The following TSHZ3 variants were observed in gnomAD, a reference collection of about 807,000 sequenced individuals.
TSHZ3 encodes the protein teashirt zinc finger homeobox 3, also known as teashirt homolog 3.
TSHZ3 carries 10 observed loss-of-function variants against 64.5 expected under a neutral mutation model. That is an observed-to-expected ratio of 0.16 (90% CI 0.10 to 0.26). TSHZ3 has a LOEUF of 0.26. Among genes scored for constraint, TSHZ3 ranks in the 10% least tolerant of loss-of-function variants. TSHZ3 has a pLI of 1.00. For missense variants in TSHZ3, 1,242 were observed against 1,421.7 expected (o/e 0.87, Z 2.03); for synonymous variants, 608 against 593.1 (o/e 1.03, Z -0.36).
In TSHZ3 at chr19:31,277,957, C is replaced by T. The variant is rs1976279075; in HGVS notation, c.1836G>A (p.Glu612=). The stretch of plus-strand genomic sequence containing the variant: ...CTTTCTCAGTGACCTTTTTCACCAG[C>T]TCCTCCATGGCATGAAAGTTTGTCT... ...MPKTNFHAME[E]LVKKVTEKVA... The change falls in exon 2 of 2, where the codon GAG becomes GAA. Residue 612 remains glutamate, a synonymous_variant. Transcript: ENST00000240587. The surrounding 1 kb of genome is among the most constrained non-coding windows in gnomAD (Gnocchi z 4.5). The T allele has an allele frequency of 6.2e-7, 1 of 1,614,244 alleles. No individual in the cohort carries two copies. Among genetic ancestry groups the T allele is most frequent in the Non-Finnish European group, 8.5e-7 (1 of 1,180,052 alleles).
At chr19:31,348,641 T>C (rs758279468) in intron 1 of TSHZ3, among the ~76,000 whole-genome samples, 12 of 152,050 alleles carry the variant, frequency 7.9e-5, no homozygotes, top group Non-Finnish European at 1.5e-4. Flanking sequence ...CATCTGACAA[T>C]ACCCAGACCC....
chr19:31,334,374 TCTC>T (rs1261916816), intron 1 of TSHZ3, among the ~76,000 whole-genome samples: 1 of 152,236 alleles, frequency 6.6e-6, no homozygotes, highest in Non-Finnish European at 1.5e-5. Context: ...TAACCCATCT[TCTC>T]CTCTGGCAAA....
chr19:31,292,654 C>CCCAT (rs1187478416), intron 1 of TSHZ3, among the ~76,000 whole-genome samples: 1 of 151,924 alleles, frequency 6.6e-6, no homozygotes, highest in Admixed American at 6.6e-5. Context: ...CATCCATCTA[C>CCCAT]CCATCCATCC....
intron 1 of TSHZ3, among the ~76,000 whole-genome samples, chr19:31,313,115 T>TG (rs1459492671): frequency 4.6e-5 from 7 of 152,048 alleles, no homozygotes; most frequent in Admixed American, 6.5e-5. Context: ...CAAACCTGCT[T>TG]GGGGGCAAGG....
chr19:31,258,867 C>T (rs899989649), intron 1 of TSHZ3, among the ~76,000 whole-genome samples: 2 of 152,170 alleles, frequency 1.3e-5, no homozygotes, highest in East Asian at 1.9e-4. Flanking sequence ...AGTGGCCCAT[C>T]GGGTCGATTC....
intron 5 of TSHZ3, among the ~76,000 whole-genome samples, chr19:31,182,942 T>A (rs1364716606): frequency 1.3e-5 from 2 of 152,190 alleles, no homozygotes; most frequent in Non-Finnish European, 1.5e-5. Context: ...AACATTTAAA[T>A]CATTAGATTT....
chr19:31,315,728 T>C (rs2145160287), intron 1 of TSHZ3, among the ~76,000 whole-genome samples: 1 of 152,356 alleles, frequency 6.6e-6, no homozygotes, highest in African/African-American at 2.4e-5. Context: ...CAATTTAGAC[T>C]GCAAAACACA....
rs551415986 is a variant in TSHZ3 at position 31,239,153 on chromosome 19, C to A, written n.550+3116G>T. On this transcript the variant is annotated intron_variant and non_coding_transcript_variant, in intron 3 of 6. Transcript: ENST00000651361. ...CTGATACTTTATACTTCCTGTTTTA[C>A]AATAAATATTTTTCCCAGGATATGA... 2.0e-5 allele frequency among the ~76,000 whole-genome samples: 3 copies of A among 152,182 alleles called. No homozygotes were observed. The East Asian group carries it at 5.8e-4, about 29-fold the overall frequency.
chr19:31,155,753 TCTAC>T (rs1424903613), intron 6 of TSHZ3, among the ~76,000 whole-genome samples: 1 of 152,200 alleles, frequency 6.6e-6, no homozygotes, highest in East Asian at 1.9e-4. Context: ...CTTCCTAGCC[TCTAC>T]CTGTTTCCAC....
chr19:31,279,047 T>C lies in TSHZ3; in HGVS notation c.746A>G (p.Asn249Ser), dbSNP rs770126054. 1.2e-6 allele frequency: 2 copies of C among 1,614,094 alleles called. No individual in the cohort carries two copies. The highest frequency in any genetic ancestry group is 1.7e-6 in the Non-Finnish European group (2 of 1,179,988). Reference sequence around the variant, plus strand: ...AGGCTTGGACCAGCGCTTGGGGTTGTTGTTATCGGTCTCATGGTTGTCGTC... The same window carrying C: ...AGGCTTGGACCAGCGCTTGGGGTTGCTGTTATCGGTCTCATGGTTGTCGTC... ...YRDDNHETDN[N>S]NPKRWSKPRK... Residue 249 changes from asparagine to serine, a missense_variant, in exon 2 of 2, where the codon AAC (asparagine) becomes AGC (serine). Physicochemically the swap from Asn to Ser is conservative, Grantham distance 46. This residue lies in a region of TSHZ3 where 555 missense variants were observed against 704.0 expected (regional missense o/e 0.79). Transcript: ENST00000240587. This position sits in a 1 kb window ranked among gnomAD's most constrained non-coding sequence, Gnocchi z 6.4.
At chr19:31,332,071 C>T (rs1179246700) in intron 1 of TSHZ3, among the ~76,000 whole-genome samples, 1 of 152,178 alleles carries the variant, frequency 6.6e-6, no homozygotes, top group Non-Finnish European at 1.5e-5. Flanking sequence ...AAAAAGTATG[C>T]AGAATCACTG....
intron 4 of TSHZ3, among the ~76,000 whole-genome samples, chr19:31,218,268 C>T (rs55782330): frequency 0.72 from 106,852 of 148,152 alleles, 38,133 homozygotes; most frequent in African/African-American, 0.85. Context: ...CCAAAGAAGA[C>T]AGAGATGGCA....
intron 4 of TSHZ3, among the ~76,000 whole-genome samples, chr19:31,223,893 T>C (rs1224069605): frequency 1.3e-5 from 2 of 152,076 alleles, no homozygotes; most frequent in Admixed American, 1.3e-4. Flanking sequence ...CATGGGCCAC[T>C]CAGTGAGGGG....
At chr19:31,346,798 A>C (rs192495553) in intron 1 of TSHZ3, among the ~76,000 whole-genome samples, 229 of 149,776 alleles carry the variant, frequency 1.5e-3, no homozygotes, top group Middle Eastern at 3.4e-3. Context: ...AACCACCCCC[A>C]AAAAAAAAAC....
chr19:31,225,865 G>T (rs1975452744), intron 4 of TSHZ3, among the ~76,000 whole-genome samples: 1 of 152,126 alleles, frequency 6.6e-6, no homozygotes, highest in Non-Finnish European at 1.5e-5. Flanking sequence ...GGTGGCTCAT[G>T]CCCGTAACCC....
At chr19:31,335,113 A>C (rs1917206696) in intron 1 of TSHZ3, among the ~76,000 whole-genome samples, 1 of 152,164 alleles carries the variant, frequency 6.6e-6, no homozygotes, top group African/African-American at 2.4e-5. Context: ...TTTAAGAGGG[A>C]GCAAATCTCA....
At chr19:31,162,227 T>C (rs1040613188) in intron 5 of TSHZ3, among the ~76,000 whole-genome samples, 4 of 152,136 alleles carry the variant, frequency 2.6e-5, no homozygotes, top group African/African-American at 9.7e-5. Flanking sequence ...CCACAGTAGG[T>C]ACTCAGTACT....
intron 4 of TSHZ3, among the ~76,000 whole-genome samples, chr19:31,216,300 C>G (rs374866190): frequency 6.6e-6 from 1 of 152,128 alleles, no homozygotes; most frequent in Admixed American, 6.5e-5. Context: ...CAACTAGGAC[C>G]CCTATCAGCA....
At chr19:31,256,595 T>C (rs1202831685) in intron 1 of TSHZ3, among the ~76,000 whole-genome samples, 1 of 152,176 alleles carries the variant, frequency 6.6e-6, no homozygotes, top group Non-Finnish European at 1.5e-5. Flanking sequence ...TTCTTTTTTA[T>C]CATATATGCC....
Sources: allele counts gnomAD v4.1 joint callset (sites outside exome capture counted in the v4.1 genomes callset), GRCh38; gene constraint gnomAD v4.1.1; regional missense constraint gnomAD v4.1.1; non-coding constraint Gnocchi (gnomAD v3.1); transcripts MANE v1.5; gene names NCBI Gene and HGNC (gene_info 2026-07-23, HGNC 2026-07-21).